Variants in DCLK2 observed in about 807,000 individuals in gnomAD.
DCLK2 encodes serine/threonine-protein kinase DCLK2.
A neutral mutation model predicts 78.4 loss-of-function variants in DCLK2; 31 were observed. The ratio of observed to expected loss-of-function variants is 0.40; its 90% CI spans 0.30 to 0.53. DCLK2 has a LOEUF of 0.53. DCLK2 is among the 20% of genes least tolerant of loss of function. DCLK2 has a pLI of 0.61. For missense variants in DCLK2, 872 were observed against 973.7 expected, an observed-to-expected ratio of 0.90 and a Z score of 1.39; for synonymous variants, 407 against 374.9, an observed-to-expected ratio of 1.09 and a Z score of -0.99.
At position 150,140,619 on chromosome 4, in the gene DCLK2, T is replaced by C. The variant is rs1734047034; in HGVS notation, c.756+37807T>C. Among the ~76,000 whole-genome samples the C allele has an allele frequency of 2.0e-5, 3 of 152,376 alleles. No individual in the cohort carries two copies. In the South Asian group the frequency reaches 6.2e-4, roughly 32 times the overall value. ...ACATATCTTACTGAAGATAAGTCAG[T>C]GTGCTAGTGAGACACCTACTATGTT... On this transcript the variant is annotated intron_variant, in intron 2 of 15. Coordinates refer to ENST00000296550, the MANE Select transcript of DCLK2 (RefSeq NM_001040260.4).
At chr4:150,180,014 T>G (rs1737389034) in intron 2 of DCLK2, among the ~76,000 whole-genome samples, 1 of 152,198 alleles carries the variant, frequency 6.6e-6, no homozygotes, top group Non-Finnish European at 1.5e-5. Context: ...AAAAGTAAGA[T>G]GTAGAAAAAT....
intron 2 of DCLK2, among the ~76,000 whole-genome samples, chr4:150,181,942 C>G (rs752261427): frequency 2.1e-4 from 32 of 152,104 alleles, no homozygotes; most frequent in Non-Finnish European, 4.6e-4. Context: ...TGCTTACTGA[C>G]CTGTGAATTT....
At chr4:150,087,279 C>A (rs62339908) in intron 1 of DCLK2, among the ~76,000 whole-genome samples, 20,848 of 152,234 alleles carry the variant, frequency 0.14, 1,822 homozygotes, top group Non-Finnish European at 0.19. Flanking sequence ...CTAAAATAAT[C>A]TGCAATTTTG....
In DCLK2 at chr4:150,113,097, C is replaced by A. The variant is rs569655528; in HGVS notation, c.756+10285C>A. On this transcript the variant is annotated intron_variant, in intron 2 of 15. Transcript: ENST00000296550. ...AAGTGCTGGGAATTACAGCTGTGAG[C>A]CACTGTGCCCAGCCTGAATTATCTT... Among the ~76,000 whole-genome samples, 7 of 152,226 alleles carry A rather than the reference C, an allele frequency of 4.6e-5. No homozygotes were observed. In the South Asian group the frequency reaches 1.5e-3, roughly 32 times the overall value.
At chr4:150,145,175 A>G (rs1263197143) in intron 2 of DCLK2, among the ~76,000 whole-genome samples, 1 of 151,828 alleles carries the variant, frequency 6.6e-6, no homozygotes, top group East Asian at 1.9e-4. Context: ...TTGAAAGTAA[A>G]ACTTTGATTT....
At chr4:150,194,065 A>G (rs1364903064) in intron 3 of DCLK2, among the ~76,000 whole-genome samples, 2 of 133,562 alleles carry the variant, frequency 1.5e-5, no homozygotes, top group African/African-American at 5.6e-5. Flanking sequence ...ACACACACAC[A>G]CACACACGTA....
chr4:150,102,393 A>T, intron 1 of DCLK2, 85 bp from the exon 2 acceptor site: 1 of 1,349,740 alleles, frequency 7.4e-7, no homozygotes, highest in Non-Finnish European at 1.0e-6. Flanking sequence ...GGGTTCACTT[A>T]ATGGGTTTCC....
At chr4:150,154,596 CT>C (rs1448319843) in intron 2 of DCLK2, among the ~76,000 whole-genome samples, 2 of 152,054 alleles carry the variant, frequency 1.3e-5, no homozygotes, top group Non-Finnish European at 2.9e-5. Context: ...TAGAAGCAAG[CT>C]TTTAATATTA....
chr4:150,132,190 C>T (rs190538832), intron 2 of DCLK2, among the ~76,000 whole-genome samples: 1 of 152,310 alleles, frequency 6.6e-6, no homozygotes, highest in Non-Finnish European at 1.5e-5. Flanking sequence ...TGCCAACCAT[C>T]TAGTGTTAAG....
At chr4:150,080,673 G>T (rs1729191467) in intron 1 of DCLK2, among the ~76,000 whole-genome samples, 1 of 152,174 alleles carries the variant, frequency 6.6e-6, no homozygotes, top group Admixed American at 6.5e-5. Context: ...GGAAACTTAG[G>T]CAGCATGCCT....
intron 2 of DCLK2, among the ~76,000 whole-genome samples, chr4:150,188,048 C>T (rs1738088170): frequency 6.6e-6 from 1 of 152,176 alleles, no homozygotes; most frequent in Non-Finnish European, 1.5e-5. Context: ...ATCCGCACCC[C>T]TTGGCCTCCC....
intron 14 of DCLK2, 107 bp downstream of exon 14, chr4:150,248,492 A>G (rs902171460): frequency 2.5e-5 from 22 of 888,940 alleles, no homozygotes; most frequent in Non-Finnish European, 3.9e-5. Context: ...TCCAAGCTCC[A>G]TGGTAGATGT....
At chr4:150,090,579 C>T (rs903695394) in intron 1 of DCLK2, among the ~76,000 whole-genome samples, 2 of 119,628 alleles carry the variant, frequency 1.7e-5, no homozygotes, top group Non-Finnish European at 4.0e-5. Flanking sequence ...AGATTAGATA[C>T]GATTTCTTCC....
At chr4:150,122,551 G>A (rs1209484241) in intron 2 of DCLK2, among the ~76,000 whole-genome samples, 5 of 152,210 alleles carry the variant, frequency 3.3e-5, no homozygotes, top group East Asian at 3.9e-4. Flanking sequence ...GGAGTTGAAC[G>A]ATAAGAACAC....
At chr4:150,079,560 T>C in intron 1 of DCLK2, 112 bp downstream of exon 1, 1 of 1,098,002 alleles carries the variant, frequency 9.1e-7, no homozygotes, top group African/African-American at 1.6e-5. Context: ...GCACGGGAAT[T>C]GATGCTTCTG....
At position 150,235,113 on chromosome 4, in the gene DCLK2, C is replaced by T. The variant is rs565722691; in HGVS notation, c.1566+2285C>T. On this transcript the variant is annotated intron_variant, in intron 10 of 15. Coordinates refer to ENST00000296550, the MANE Select transcript of DCLK2 (RefSeq NM_001040260.4). Reference sequence around the variant, plus strand: ...GGGAGCCACAGGTTCCCAAGGAACCCCTGCAGCCAGTCTGTCCAACAGCCC... The same window carrying T: ...GGGAGCCACAGGTTCCCAAGGAACCTCTGCAGCCAGTCTGTCCAACAGCCC... Among the ~76,000 whole-genome samples the T allele has an allele frequency of 9.9e-5, 15 of 152,268 alleles. 1 individual carries two copies. The East Asian group carries it at 2.9e-3, about 29-fold the overall frequency.
chr4:150,221,658 G>T lies in DCLK2; in HGVS notation c.1133-19G>T. 1 of 1,517,288 alleles carries T rather than the reference G, an allele frequency of 6.6e-7. No individual in the cohort carries two copies. Among genetic ancestry groups the T allele is most frequent in the African/African-American group, 1.4e-5 (1 of 71,726 alleles). The allele number at this position is 1,517,288 out of a possible 1,614,324, so 94.0% of individuals were successfully genotyped here. ...AATGCTGATGTTTTCTTTAGAATTT[G>T]CATTTATCCTTTTTGCAGGTGTGAA... On this transcript the variant is annotated intron_variant, in intron 6 of 15. Transcript: ENST00000296550.
intron 5 of DCLK2, among the ~76,000 whole-genome samples, chr4:150,206,616 T>C (rs1018173201): frequency 3.9e-5 from 6 of 152,200 alleles, no homozygotes; most frequent in Non-Finnish European, 8.8e-5. Context: ...GGAATATAGT[T>C]CTGTTAACTT....
intron 2 of DCLK2, among the ~76,000 whole-genome samples, chr4:150,116,473 C>A (rs958755866): frequency 9.9e-5 from 15 of 152,172 alleles, no homozygotes; most frequent in Non-Finnish European, 1.6e-4. Context: ...TGTGATGTGT[C>A]CTTCCCCTAG....
Sources: gnomAD v4.1 joint callset for allele counts (sites outside exome capture counted in the v4.1 genomes callset) on GRCh38, gnomAD v4.1.1 for gene constraint, MANE v1.5 for transcripts, NCBI Gene and HGNC (gene_info 2026-07-23, HGNC 2026-07-21) for gene names.